The following SNX29 variants were observed in gnomAD, a reference collection of about 807,000 sequenced individuals.
SNX29 encodes sorting nexin 29.
SNX29 carries 78 observed loss-of-function variants against 102.1 expected under a neutral mutation model. That is an observed-to-expected ratio of 0.76 (90% CI 0.64 to 0.92). The LOEUF (loss-of-function observed/expected upper bound fraction) is 0.92. Among genes scored for constraint, SNX29 ranks in the 40% least tolerant of loss-of-function variants. The probability of loss-of-function intolerance (pLI) is 0.00; values close to 1 mark genes in which losing one functional copy is unlikely to be tolerated. For missense variants in SNX29, 1,280 were observed against 1,061.7 expected (o/e 1.21, Z -2.86); for synonymous variants, 580 against 414.5 (o/e 1.40, Z -4.85).
intron 13 of SNX29, among the ~76,000 whole-genome samples, chr16:12,172,404 C>G (rs554836428): frequency 3.9e-5 from 6 of 152,058 alleles, no homozygotes; most frequent in African/African-American, 1.4e-4. Context: ...ATCTCTGAGT[C>G]CCCCAGGGCC....
chr16:12,498,550 C>T (rs938871407), intron 19 of SNX29, among the ~76,000 whole-genome samples: 6 of 152,138 alleles, frequency 3.9e-5, no homozygotes, highest in African/African-American at 9.7e-5. Context: ...TTCATGAGCA[C>T]CTACTATGTG....
Position 12,302,783 on chromosome 16 carries a change from G to T in SNX29, c.1782+24747G>T, listed in dbSNP as rs1439369249. On this transcript the variant is annotated intron_variant, in intron 15 of 20. Coordinates refer to ENST00000566228, the MANE Select transcript of SNX29 (RefSeq NM_032167.5). ...GGTAATACCTTTTATAAAACGCCATGGAGTGACTTGGGGCCACACTGTTAG... is the reference window on the plus strand; with the variant it reads ...GGTAATACCTTTTATAAAACGCCATTGAGTGACTTGGGGCCACACTGTTAG... 2.6e-5 allele frequency among the ~76,000 whole-genome samples: 4 copies of T among 152,160 alleles called. No homozygotes were observed. In the East Asian group the frequency reaches 5.8e-4, roughly 22 times the overall value.
intron 13 of SNX29, among the ~76,000 whole-genome samples, chr16:12,187,437 A>G (rs1210354906): frequency 6.6e-6 from 1 of 151,966 alleles, no homozygotes; most frequent in Admixed American, 6.6e-5. Flanking sequence ...AATCCCAGCT[A>G]CTTGGGAGGC....
intron 17 of SNX29, among the ~76,000 whole-genome samples, chr16:12,399,836 G>T (rs562607032): frequency 6.6e-6 from 1 of 152,118 alleles, no homozygotes; most frequent in Non-Finnish European, 1.5e-5. Context: ...CTTGTGGGCA[G>T]GGGGAGCATG....
intron 16 of SNX29, among the ~76,000 whole-genome samples, chr16:12,398,060 T>G (rs1171206001): frequency 6.6e-6 from 1 of 152,226 alleles, no homozygotes; most frequent in African/African-American, 2.4e-5. Context: ...CTACTGGGTG[T>G]GTCTGTGTGT....
At chr16:12,270,910 G>A (rs1171985394) in intron 14 of SNX29, among the ~76,000 whole-genome samples, 2 of 152,262 alleles carry the variant, frequency 1.3e-5, no homozygotes, top group Admixed American at 6.5e-5. Flanking sequence ...GGGCGTGGTG[G>A]TGTGTGCCTG....
At chr16:12,508,889 C>T (rs912765018) in intron 19 of SNX29, among the ~76,000 whole-genome samples, 1 of 152,092 alleles carries the variant, frequency 6.6e-6, no homozygotes, top group African/African-American at 2.4e-5. Flanking sequence ...AAGAACATGG[C>T]CCTGGAGTCC....
At chr16:12,163,704 A>G (rs1205888618) in intron 13 of SNX29, among the ~76,000 whole-genome samples, 1 of 152,158 alleles carries the variant, frequency 6.6e-6, no homozygotes, top group African/African-American at 2.4e-5. Flanking sequence ...GAGGATTTGT[A>G]TTTGTTAAAC....
chr16:12,429,068 C>T (rs2085204581), intron 18 of SNX29, among the ~76,000 whole-genome samples: 1 of 152,066 alleles, frequency 6.6e-6, no homozygotes, highest in Non-Finnish European at 1.5e-5. Flanking sequence ...ACGATTGCAA[C>T]TAATATCTCC....
chr16:12,496,446 G>A (rs2088828222), intron 19 of SNX29, among the ~76,000 whole-genome samples: 2 of 151,338 alleles, frequency 1.3e-5, no homozygotes, highest in Admixed American at 6.6e-5. Context: ...GCCCTTCGCT[G>A]GAGCACATGG....
chr16:12,508,261 C>A (rs964988701), intron 19 of SNX29, among the ~76,000 whole-genome samples: 1 of 152,160 alleles, frequency 6.6e-6, no homozygotes, highest in East Asian at 1.9e-4. Context: ...GGCCCTGCTC[C>A]GGAGGGCGAG....
intron 18 of SNX29, among the ~76,000 whole-genome samples, chr16:12,415,746 G>A (rs1046169625): frequency 1.3e-5 from 2 of 152,172 alleles, no homozygotes; most frequent in African/African-American, 4.8e-5. Context: ...GGGTCTCCAT[G>A]GGGAACAGTT....
At chr16:12,052,330 C>T (rs578092354) in intron 8 of SNX29, 108 bp downstream of exon 8, 1 of 1,272,684 alleles carries the variant, frequency 7.9e-7, no homozygotes, top group South Asian at 1.3e-5. Flanking sequence ...TATTCTCCTG[C>T]CTCAGCCTCC....
At chr16:11,986,162 G>A (rs546780931) in intron 1 of SNX29, among the ~76,000 whole-genome samples, 13 of 152,068 alleles carry the variant, frequency 8.5e-5, no homozygotes, top group African/African-American at 2.9e-4. Context: ...GGTGGGGGCT[G>A]AGCAGTTTGA....
At chr16:12,084,911 A>G (rs549984795) in intron 11 of SNX29, among the ~76,000 whole-genome samples, 50 of 152,176 alleles carry the variant, frequency 3.3e-4, no homozygotes, top group African/African-American at 1.2e-3. Flanking sequence ...TCTATAAAAA[A>G]TAAAAAAAAT....
chr16:12,271,038 C>G (rs993354236), intron 14 of SNX29, among the ~76,000 whole-genome samples: 2 of 151,842 alleles, frequency 1.3e-5, no homozygotes, highest in Non-Finnish European at 2.9e-5. Flanking sequence ...ACGAGACTCT[C>G]AAAAAAATCA....
At chr16:12,343,528 T>A (rs1014715193) in intron 15 of SNX29, among the ~76,000 whole-genome samples, 32 of 152,268 alleles carry the variant, frequency 2.1e-4, no homozygotes, top group African/African-American at 6.3e-4. Context: ...GTGAACCTGT[T>A]CTCATGCCTC....
intron 18 of SNX29, among the ~76,000 whole-genome samples, chr16:12,432,949 G>A (rs967177271): frequency 1.3e-5 from 2 of 152,230 alleles, no homozygotes; most frequent in African/African-American, 4.8e-5. Context: ...GGTGCATGGG[G>A]TAGTGTGATG....
intron 20 of SNX29, among the ~76,000 whole-genome samples, chr16:12,558,782 C>G (rs1469620266): frequency 6.6e-6 from 1 of 152,242 alleles, no homozygotes; most frequent in East Asian, 1.9e-4. Flanking sequence ...ATTGTACAAC[C>G]TGAAGCAGTT....
Sources: gnomAD v4.1 joint callset for allele counts (sites outside exome capture counted in the v4.1 genomes callset) on GRCh38, gnomAD v4.1.1 for gene constraint, MANE v1.5 for transcripts, NCBI Gene and HGNC (gene_info 2026-07-23, HGNC 2026-07-21) for gene names.